PRR5L: variants seen among roughly 807,000 people sequenced by gnomAD.
PRR5L encodes the protein proline-rich protein 5-like.
In PRR5L, 21 loss-of-function variants were observed where a neutral mutation model predicts 36.4. The ratio of observed to expected loss-of-function variants is 0.58; its 90% CI spans 0.41 to 0.83. The LOEUF (loss-of-function observed/expected upper bound fraction) is 0.83. PRR5L is among the 40% of genes least tolerant of loss of function. The pLI is 0.00. For missense variants in PRR5L, 381 were observed against 473.3 expected (o/e 0.80, Z 1.81); for synonymous variants, 188 against 197.0 (o/e 0.95, Z 0.38).
intron 1 of PRR5L, among the ~76,000 whole-genome samples, chr11:36,304,197 A>G (rs372188889): frequency 1.3e-5 from 2 of 152,310 alleles, no homozygotes; most frequent in Admixed American, 6.5e-5. Flanking sequence ...TAATATAACT[A>G]CTACATGAAT....
intron 1 of PRR5L, among the ~76,000 whole-genome samples, chr11:36,320,988 T>G (rs1230789577): frequency 6.6e-6 from 1 of 152,246 alleles, no homozygotes; most frequent in Non-Finnish European, 1.5e-5. Flanking sequence ...AAGTTTCTCC[T>G]ATTTTTTACA....
chr11:36,371,408 T>C (rs1857195983), intron 1 of PRR5L, among the ~76,000 whole-genome samples: 1 of 152,178 alleles, frequency 6.6e-6, no homozygotes, highest in Non-Finnish European at 1.5e-5. Context: ...CTTACGCAAG[T>C]TTTATATCTA....
At chr11:36,435,819 G>T (rs1858593883) in intron 5 of PRR5L, among the ~76,000 whole-genome samples, 1 of 152,188 alleles carries the variant, frequency 6.6e-6, no homozygotes, top group Non-Finnish European at 1.5e-5. Context: ...ACCAGCCCCA[G>T]TATCTGCAAA....
chr11:36,440,936 A>T (rs2133610885), intron 6 of PRR5L, among the ~76,000 whole-genome samples: 2 of 152,326 alleles, frequency 1.3e-5, no homozygotes, highest in South Asian at 4.1e-4. Flanking sequence ...GTGAAAACTC[A>T]CTAAAGAGTG....
At chr11:36,400,264 G>A (rs990330733) in intron 1 of PRR5L, among the ~76,000 whole-genome samples, 3 of 152,212 alleles carry the variant, frequency 2.0e-5, no homozygotes, top group Non-Finnish European at 4.4e-5. Flanking sequence ...AGGGCCTCTG[G>A]AGCCATCTTA....
At chr11:36,362,058 C>CAAAAAAA (rs35788169) in intron 1 of PRR5L, 18 of 119,392 alleles carry the variant, frequency 1.5e-4, no homozygotes, top group African/African-American at 5.1e-4. Context: ...ACATAAAAGG[C>CAAAAAAA]AAAAAAAAAA....
chr11:36,369,504 G>A (rs1298604158), intron 1 of PRR5L, among the ~76,000 whole-genome samples: 4 of 152,152 alleles, frequency 2.6e-5, no homozygotes, highest in African/African-American at 7.2e-5. Flanking sequence ...GGAAAAGGCG[G>A]TATGGTCTGG....
At chr11:36,400,918 C>T in intron 1 of PRR5L, 79 bp from the exon 2 acceptor site, 3 of 1,195,506 alleles carry the variant, frequency 2.5e-6, no homozygotes, top group Non-Finnish European at 3.3e-6. Context: ...GGTAGTTAGG[C>T]TGGAAAGTCC....
In PRR5L at chr11:36,401,102, C is replaced by G. The variant is rs1407049107; in HGVS notation, c.-20C>G. 6.2e-7 allele frequency: 1 copy of G among 1,613,302 alleles called. No individual in the cohort carries two copies. Among genetic ancestry groups the G allele is most frequent in the East Asian group, 2.2e-5 (1 of 44,872 alleles). On this transcript the variant is annotated 5_prime_UTR_variant, in exon 2 of 9. Transcript: ENST00000530639. The stretch of plus-strand genomic sequence containing the variant: ...GAACCTTCTGGTCCTAGAGGTGAAG[C>G]TGAACTGTCACCAGGACTTATGACC...
At chr11:36,355,316 A>G (rs1271059348) in intron 1 of PRR5L, among the ~76,000 whole-genome samples, 1 of 152,214 alleles carries the variant, frequency 6.6e-6, no homozygotes, top group Non-Finnish European at 1.5e-5. Context: ...CCTTGGATTT[A>G]CAAATATAGC....
intron 1 of PRR5L, among the ~76,000 whole-genome samples, chr11:36,352,382 C>T (rs1015943663): frequency 6.6e-6 from 1 of 152,112 alleles, no homozygotes; most frequent in African/African-American, 2.4e-5. Context: ...TTTTCTCCCA[C>T]TCTGTGGGTT....
intron 1 of PRR5L, among the ~76,000 whole-genome samples, chr11:36,296,722 C>A (rs1298395775): frequency 1.3e-5 from 2 of 152,292 alleles, no homozygotes; most frequent in East Asian, 3.9e-4. Context: ...GTGGCTGTTG[C>A]CTTAATAATA....
rs529508199 is a variant in PRR5L at position 36,302,302 on chromosome 11, G to A, written c.-126+5864G>A. Among the ~76,000 whole-genome samples, 3 of 152,336 alleles carry A rather than the reference G, an allele frequency of 2.0e-5. No individual in the cohort carries two copies. The South Asian group carries it at 6.2e-4, about 32-fold the overall frequency. ...TTTTGGGGAGAATGTACTAGGCAGA[G>A]AGGGAACAGCCTGTGTGTAGGCCTG... On this transcript the variant is annotated intron_variant, in intron 1 of 8. Transcript: ENST00000530639.
In PRR5L at chr11:36,307,234, T is replaced by TTG. The variant is rs535484950; in HGVS notation, c.-126+10797_-126+10798insGT. ...CTAGACACAACAAGTTTGCAAATGC[T>TTG]TCATATGCCTTGTCATTCACTCCTC... On this transcript the variant is annotated intron_variant, in intron 1 of 8. Transcript: ENST00000530639. 1.9e-4 allele frequency among the ~76,000 whole-genome samples: 29 copies of TTG among 152,290 alleles called. 1 individual carries two copies. In the East Asian group the frequency reaches 5.6e-3, roughly 29 times the overall value.
intron 2 of PRR5L, among the ~76,000 whole-genome samples, chr11:36,402,003 TA>T (rs914110379): frequency 3.9e-5 from 6 of 152,206 alleles, no homozygotes; most frequent in African/African-American, 1.4e-4. Context: ...ATGATTGGCA[TA>T]AACCCAAGAT....
intron 4 of PRR5L, among the ~76,000 whole-genome samples, chr11:36,429,709 G>A (rs1858453760): frequency 6.6e-6 from 1 of 152,162 alleles, no homozygotes; most frequent in Admixed American, 6.5e-5. Context: ...CCCATGCACA[G>A]AATGCTAAGG....
chr11:36,437,647 C>A (rs911062668), intron 6 of PRR5L, among the ~76,000 whole-genome samples, 171 bp downstream of exon 6: 6 of 152,166 alleles, frequency 3.9e-5, no homozygotes, highest in Admixed American at 3.9e-4. Flanking sequence ...TATTTAGGGC[C>A]TAACTTCAAG....
At chr11:36,413,398 C>T (rs1006110389) in intron 3 of PRR5L, among the ~76,000 whole-genome samples, 19 of 152,278 alleles carry the variant, frequency 1.2e-4, no homozygotes, top group Non-Finnish European at 2.4e-4. Context: ...GATTCTTTCT[C>T]GGGCTTCTGG....
chr11:36,401,136 C>T lies in PRR5L; in HGVS notation c.15C>T (p.Phe5=), dbSNP rs1041921488. Reference sequence around the variant, plus strand: ...CACCAGGACTTATGACCCGCGGCTTCGCTCCCATTCTGCCCGTCGAGTTCC... The same window carrying T: ...CACCAGGACTTATGACCCGCGGCTTTGCTCCCATTCTGCCCGTCGAGTTCC... MTRG[F]APILPVEFHK... The change falls in exon 2 of 9, where the codon TTC becomes TTT. Residue 5 remains phenylalanine, a synonymous_variant. Coordinates refer to ENST00000530639, the MANE Select transcript of PRR5L (RefSeq NM_001160167.2). The T allele has an allele frequency of 1.2e-5, 20 of 1,614,070 alleles. No homozygotes were observed. Among genetic ancestry groups the T allele is most frequent in the Middle Eastern group, 1.6e-4 (1 of 6,084 alleles).
Sources: allele counts gnomAD v4.1 joint callset (sites outside exome capture counted in the v4.1 genomes callset), GRCh38; gene constraint gnomAD v4.1.1; transcripts MANE v1.5; gene names NCBI Gene and HGNC (gene_info 2026-07-23, HGNC 2026-07-21).